The following PPARGC1A variants were observed in gnomAD, a reference collection of about 807,000 sequenced individuals.
PPARGC1A encodes PPARG coactivator 1 alpha.
In PPARGC1A, 25 loss-of-function variants were observed where a neutral mutation model predicts 88.7. That is an observed-to-expected ratio of 0.28 (90% CI 0.21 to 0.39). The LOEUF (loss-of-function observed/expected upper bound fraction) is 0.39. Ranked by LOEUF, PPARGC1A falls within the 10% of genes least tolerant of loss-of-function variation. PPARGC1A has a pLI of 1.00. For missense variants in PPARGC1A, 880 were observed against 968.7 expected (o/e 0.91, Z 1.22); for synonymous variants, 363 against 355.6 (o/e 1.02, Z -0.24).
chr4:24,409,724 G>T, the PPARGC1A span, among the ~76,000 whole-genome samples: 1 of 152,154 alleles, frequency 6.6e-6, no homozygotes, highest in Non-Finnish European at 1.5e-5. Context: ...TGTAGGGTGT[G>T]CATGGCTCAT....
chr4:24,311,295 G>A, the PPARGC1A span, among the ~76,000 whole-genome samples: 1 of 147,238 alleles, frequency 6.8e-6, no homozygotes, highest in Admixed American at 6.7e-5. Flanking sequence ...TAGCGACGGT[G>A]TTTCACCGTG....
chr4:23,986,666 T>A, the PPARGC1A span, among the ~76,000 whole-genome samples: 10 of 152,100 alleles, frequency 6.6e-5, no homozygotes, highest in Non-Finnish European at 1.3e-4. Flanking sequence ...ATTTTAGTAG[T>A]AGATAATGAA....
the PPARGC1A span, among the ~76,000 whole-genome samples, chr4:24,437,513 A>T: frequency 0.013 from 2,042 of 152,276 alleles, 21 homozygotes; most frequent in Non-Finnish European, 0.02. Context: ...GCAGGAGATG[A>T]GGCTGGCAAC....
the PPARGC1A span, among the ~76,000 whole-genome samples, chr4:24,004,813 C>A: frequency 2.6e-5 from 4 of 152,116 alleles, no homozygotes; most frequent in Non-Finnish European, 5.9e-5. Context: ...GAGTTTGAAT[C>A]CTGGCTCTCC....
At chr4:24,183,462 C>T in the PPARGC1A span, among the ~76,000 whole-genome samples, 1 of 152,126 alleles carries the variant, frequency 6.6e-6, no homozygotes, top group Non-Finnish European at 1.5e-5. Context: ...GAAGTATCTG[C>T]GTTCAAAGAT....
At chr4:24,336,771 C>T in the PPARGC1A span, among the ~76,000 whole-genome samples, 20 of 152,062 alleles carry the variant, frequency 1.3e-4, no homozygotes, top group East Asian at 3.9e-4. Flanking sequence ...TTATAAATAA[C>T]GCTGCCATGA....
At chr4:24,064,031 C>T in the PPARGC1A span, among the ~76,000 whole-genome samples, 8 of 152,236 alleles carry the variant, frequency 5.3e-5, no homozygotes, top group African/African-American at 9.6e-5. Context: ...GTTGGCCAGA[C>T]GCCCACATCT....
chr4:24,389,187 C>G, the PPARGC1A span, among the ~76,000 whole-genome samples: 4 of 152,102 alleles, frequency 2.6e-5, no homozygotes, highest in Non-Finnish European at 5.9e-5. Flanking sequence ...TCAAATAACA[C>G]TACCCCTGAG....
chr4:23,954,906 C>T, the PPARGC1A span, among the ~76,000 whole-genome samples: 10 of 152,132 alleles, frequency 6.6e-5, no homozygotes, highest in East Asian at 1.9e-4. Context: ...AATAGCAACA[C>T]GTAAATCTCC....
At chr4:23,904,939 C>G (rs1247422185), upstream of PPARGC1A, among the ~76,000 whole-genome samples, 3 of 152,154 alleles carry the variant, frequency 2.0e-5, no homozygotes, top group Non-Finnish European at 4.4e-5. Context: ...TGTTGTATCT[C>G]CTTAGAAACA....
At chr4:23,850,650 C>T (rs1016883067) in intron 2 of PPARGC1A, among the ~76,000 whole-genome samples, 2 of 152,098 alleles carry the variant, frequency 1.3e-5, no homozygotes, top group Admixed American at 6.6e-5. Flanking sequence ...GTGACAATAG[C>T]GGTCATTGAT....
chr4:24,362,743 C>A, the PPARGC1A span, among the ~76,000 whole-genome samples: 45 of 152,306 alleles, frequency 3.0e-4, no homozygotes, highest in African/African-American at 1.0e-3. Context: ...TCATCAGACA[C>A]AGTTTCTTCC....
the PPARGC1A span, among the ~76,000 whole-genome samples, chr4:24,049,304 G>GTA: frequency 3.6e-5 from 1 of 27,826 alleles, no homozygotes; most frequent in African/African-American, 6.8e-5. Context: ...ATATATATAT[G>GTA]TGTGTATATA....
Position 23,794,119 on chromosome 4 carries a change from AATT to A in PPARGC1A, c.*1700_*1702del, listed in dbSNP as rs1224269471. ...TTAATTATTGTAAAAATCATACTAT[AATT>A]ATTACCTCAGCATTTTGTATCAAAT... On this transcript the variant is annotated 3_prime_UTR_variant, in exon 13 of 13. Transcript: ENST00000264867. 3 of 152,606 alleles carry A rather than the reference AATT, an allele frequency of 2.0e-5. No homozygotes were observed. In the East Asian group the frequency reaches 5.8e-4, roughly 29 times the overall value. The allele number at this position is 152,606 out of a possible 1,614,324, so 9.5% of individuals were successfully genotyped here.
intron 2 of PPARGC1A, among the ~76,000 whole-genome samples, chr4:23,843,326 A>G (rs532933481): frequency 6.6e-6 from 1 of 152,192 alleles, no homozygotes; most frequent in South Asian, 2.1e-4. Flanking sequence ...TACAGACTCC[A>G]AAGTTAGATT....
chr4:24,034,513 A>C, the PPARGC1A span, among the ~76,000 whole-genome samples: 1 of 152,194 alleles, frequency 6.6e-6, no homozygotes, highest in African/African-American at 2.4e-5. Flanking sequence ...TATGTTATTC[A>C]TTAAGCATAC....
the PPARGC1A span, among the ~76,000 whole-genome samples, chr4:24,261,429 C>T: frequency 3.3e-5 from 5 of 152,148 alleles, no homozygotes; most frequent in African/African-American, 1.2e-4. Flanking sequence ...ATCTGGTTTC[C>T]CTTGGAACCA....
At chr4:24,412,279 C>A in the PPARGC1A span, among the ~76,000 whole-genome samples, 1 of 152,130 alleles carries the variant, frequency 6.6e-6, no homozygotes, top group Non-Finnish European at 1.5e-5. Flanking sequence ...ATGCTCCTTC[C>A]ATTTCACCAG....
the PPARGC1A span, among the ~76,000 whole-genome samples, chr4:24,070,421 C>T: frequency 6.6e-6 from 1 of 152,176 alleles, no homozygotes; most frequent in African/African-American, 2.4e-5. Flanking sequence ...AAAGAACCAT[C>T]TTTGTCTCAT....
Sources: allele counts gnomAD v4.1 joint callset (sites outside exome capture counted in the v4.1 genomes callset), GRCh38; gene constraint gnomAD v4.1.1; transcripts MANE v1.5; gene names NCBI Gene and HGNC (gene_info 2026-07-23, HGNC 2026-07-21).